RCAN1: variants seen among roughly 807,000 people sequenced by gnomAD.
The protein encoded by RCAN1 is regulator of calcineurin 1, also known as calcipressin-1.
A neutral mutation model predicts 22.9 loss-of-function variants in RCAN1; 11 were observed. The observed-to-expected ratio is 0.48, with a 90% confidence interval of 0.30 to 0.79. The LOEUF (loss-of-function observed/expected upper bound fraction) is 0.79, where lower values mean the gene tolerates loss of function less well. Among genes scored for constraint, RCAN1 ranks in the 30% least tolerant of loss-of-function variants. The pLI is 0.06. For synonymous variants in RCAN1, 136 were observed against 142.3 expected, an observed-to-expected ratio of 0.96 and a Z score of 0.32; for missense variants, 291 against 337.8, an observed-to-expected ratio of 0.86 and a Z score of 1.09.
intron 1 of RCAN1, among the ~76,000 whole-genome samples, chr21:34,578,045 C>T (rs928564330): frequency 1.3e-5 from 2 of 152,156 alleles, no homozygotes; most frequent in Non-Finnish European, 2.9e-5. Context: ...ACTGTCAGCC[C>T]ACTGACTATT....
intron 1 of RCAN1, among the ~76,000 whole-genome samples, chr21:34,585,064 A>AT (rs1438654913): frequency 6.6e-6 from 1 of 152,208 alleles, no homozygotes; most frequent in Non-Finnish European, 1.5e-5. Context: ...TTAAAACAAA[A>AT]TTTTTTTAGG....
intron 1 of RCAN1, among the ~76,000 whole-genome samples, chr21:34,547,861 T>C (rs1986209514): frequency 6.6e-6 from 1 of 152,178 alleles, no homozygotes. Context: ...TAAATCTCTT[T>C]TATTTATAAG....
chr21:34,612,575 G>A (rs546862665), intron 1 of RCAN1, among the ~76,000 whole-genome samples: 2 of 152,336 alleles, frequency 1.3e-5, no homozygotes, highest in East Asian at 3.9e-4. Context: ...GGCCCTGAAA[G>A]GATGACCCAA....
chr21:34,586,695 G>A (rs975838277), intron 1 of RCAN1, among the ~76,000 whole-genome samples: 2 of 152,222 alleles, frequency 1.3e-5, no homozygotes, highest in Non-Finnish European at 2.9e-5. Context: ...GCTCACACCT[G>A]TAACCCCAGC....
At chr21:34,550,933 G>C (rs1986343038) in intron 1 of RCAN1, among the ~76,000 whole-genome samples, 1 of 152,186 alleles carries the variant, frequency 6.6e-6, no homozygotes, top group Non-Finnish European at 1.5e-5. Context: ...ATAGCCGATA[G>C]AATCTGTATC....
chr21:34,558,924 T>C (rs757626097), intron 1 of RCAN1, among the ~76,000 whole-genome samples: 1 of 152,206 alleles, frequency 6.6e-6, no homozygotes, highest in Admixed American at 6.5e-5. Context: ...CTCATTCAGC[T>C]TATATAAGTG....
chr21:34,533,113 A>G (rs552143215), intron 1 of RCAN1, among the ~76,000 whole-genome samples: 13 of 151,730 alleles, frequency 8.6e-5, no homozygotes, highest in Middle Eastern at 3.4e-3. Flanking sequence ...GGTGCCCGCC[A>G]CCACGCCCGG....
At chr21:34,540,067 A>G (rs960143629) in intron 1 of RCAN1, among the ~76,000 whole-genome samples, 1 of 152,124 alleles carries the variant, frequency 6.6e-6, no homozygotes, top group African/African-American at 2.4e-5. Flanking sequence ...CCAGAATCAC[A>G]TCCAAGCCCC....
At chr21:34,522,160 C>T (rs550876201) in intron 2 of RCAN1, 1 of 151,588 alleles carries the variant, frequency 6.6e-6, no homozygotes, top group South Asian at 2.1e-4. Flanking sequence ...TCTGCACCTC[C>T]CTCTCCGGGA....
chr21:34,613,732 G>A, intron 1 of RCAN1: 2 of 1,468,184 alleles, frequency 1.4e-6, no homozygotes, highest in African/African-American at 1.4e-5. Context: ...CACGGCCATT[G>A]TAATTCCTTT....
Position 34,614,169 on chromosome 21 carries a change from A to G in RCAN1, c.252+591T>C. On this transcript the variant is annotated intron_variant, in intron 1 of 3. Coordinates refer to ENST00000313806, the MANE Select transcript of RCAN1 (RefSeq NM_004414.7). The surrounding 1 kb of genome is among the most constrained non-coding windows in gnomAD (Gnocchi z 6.0). ...AGCCACACCTTCACACAAGGGGGCA[A>G]GGTTCTTGACTAAATATCCTAAAGG... The G allele has an allele frequency of 1.1e-6, 1 of 913,214 alleles. No homozygotes were observed. Among genetic ancestry groups the G allele is most frequent in the Non-Finnish European group, 1.3e-6 (1 of 746,108 alleles). The allele number at this position is 913,214 out of a possible 1,614,324, so 56.6% of individuals were successfully genotyped here. A position where few individuals can be genotyped will look rare whatever the true frequency, so the allele number is the denominator to read the frequency against.
At chr21:34,607,985 G>A (rs1484732128) in intron 1 of RCAN1, among the ~76,000 whole-genome samples, 1 of 152,194 alleles carries the variant, frequency 6.6e-6, no homozygotes, top group African/African-American at 2.4e-5. Context: ...AACTGTGCAT[G>A]TGAGGGATCT....
intron 1 of RCAN1, among the ~76,000 whole-genome samples, chr21:34,558,853 C>T (rs117042246): frequency 2.6e-4 from 39 of 152,270 alleles, no homozygotes; most frequent in Non-Finnish European, 4.6e-4. Flanking sequence ...GGCTCCAATG[C>T]TCCAATGGAA....
intron 1 of RCAN1, among the ~76,000 whole-genome samples, chr21:34,583,459 T>C (rs1186593365): frequency 6.6e-6 from 1 of 152,098 alleles, no homozygotes; most frequent in Admixed American, 6.6e-5. Context: ...AAGAGGCAAT[T>C]AAGTTAAAAT....
chr21:34,597,165 T>A (rs1988188734), intron 1 of RCAN1, among the ~76,000 whole-genome samples: 1 of 152,190 alleles, frequency 6.6e-6, no homozygotes, highest in African/African-American at 2.4e-5. Flanking sequence ...TGCAGCCCAG[T>A]TCTGCAGCTA....
At chr21:34,525,113 T>G (rs1246365808) in intron 1 of RCAN1, 21 of 1,550,506 alleles carry the variant, frequency 1.4e-5, no homozygotes, top group Non-Finnish European at 1.8e-5. Context: ...GAAGGCGCAG[T>G]GTCTCTGCAG....
intron 1 of RCAN1, among the ~76,000 whole-genome samples, chr21:34,590,921 G>A (rs1255868151): frequency 6.6e-6 from 1 of 152,198 alleles, no homozygotes; most frequent in Non-Finnish European, 1.5e-5. Context: ...AAATCCTGGG[G>A]CACAGCAATA....
intron 3 of RCAN1, among the ~76,000 whole-genome samples, chr21:34,519,573 AT>A (rs1227836487): frequency 6.6e-6 from 1 of 151,146 alleles, no homozygotes; most frequent in Non-Finnish European, 1.5e-5. Flanking sequence ...TAATTTTTGT[AT>A]TTTTAGTAGA....
chr21:34,521,621 T>G lies in RCAN1; in HGVS notation c.464A>C (p.Asn155Thr). Reference protein sequence around the residue: ...HIGSSHLAPPNPDKQFLISPP... With the variant: ...HIGSSHLAPPTPDKQFLISPP... ...GGAGATCAGAAACTGCTTGTCTGGATTTGGCGGAGCCAGGTGTGAGCTTCC... is the reference window on the plus strand; with the variant it reads ...GGAGATCAGAAACTGCTTGTCTGGAGTTGGCGGAGCCAGGTGTGAGCTTCC... The change falls in exon 3 of 4, where the codon AAT becomes ACT. Residue 155 changes from asparagine (N) to threonine (T), a missense_variant. Asn to Thr is a moderately conservative substitution (Grantham distance 65). Transcript: ENST00000313806. The G allele has an allele frequency of 1.2e-6, 2 of 1,613,880 alleles. No individual in the cohort carries two copies. The highest frequency in any genetic ancestry group is 1.7e-6 in the Non-Finnish European group (2 of 1,179,872).
Sources: allele counts gnomAD v4.1 joint callset (sites outside exome capture counted in the v4.1 genomes callset), GRCh38; gene constraint gnomAD v4.1.1; non-coding constraint Gnocchi (gnomAD v3.1); transcripts MANE v1.5; gene names NCBI Gene and HGNC (gene_info 2026-07-23, HGNC 2026-07-21).